LEF1: variants seen among roughly 807,000 people sequenced by gnomAD.
The protein encoded by LEF1 is lymphoid enhancer-binding factor 1.
A neutral mutation model predicts 51.2 loss-of-function variants in LEF1; 14 were observed. That is an observed-to-expected ratio of 0.27 (90% CI 0.18 to 0.43). The LOEUF is 0.43. Ranked by LOEUF, LEF1 falls within the 20% of genes least tolerant of loss-of-function variation. LEF1 has a pLI of 1.00. For synonymous variants in LEF1, 185 were observed against 183.2 expected (o/e 1.01, Z -0.08); for missense variants, 386 against 512.0 (o/e 0.75, Z 2.37).
At chr4:108,108,683 G>A (rs993361938) in intron 3 of LEF1, among the ~76,000 whole-genome samples, 3 of 152,098 alleles carry the variant, frequency 2.0e-5, no homozygotes, top group Admixed American at 2.0e-4. Flanking sequence ...GATCACTCAA[G>A]AAACCAATAC....
intron 3 of LEF1, among the ~76,000 whole-genome samples, chr4:108,123,295 A>G (rs1742289681): frequency 6.6e-6 from 1 of 151,988 alleles, no homozygotes. Flanking sequence ...TCAGGACAGC[A>G]TTTTTCTTCT....
At chr4:108,090,375 T>C (rs1338183839) in intron 3 of LEF1, among the ~76,000 whole-genome samples, 1 of 152,186 alleles carries the variant, frequency 6.6e-6, no homozygotes, top group Non-Finnish European at 1.5e-5. Flanking sequence ...ATTATTTAAT[T>C]TGGAAGTCAA....
chr4:108,076,058 G>A (rs533432941), intron 8 of LEF1, among the ~76,000 whole-genome samples: 104 of 152,134 alleles, frequency 6.8e-4, no homozygotes, highest in African/African-American at 2.0e-3. Context: ...TTTCAGAGGC[G>A]GCACACACAT....
chr4:108,118,159 C>T (rs1741950555), intron 3 of LEF1, among the ~76,000 whole-genome samples: 1 of 152,192 alleles, frequency 6.6e-6, no homozygotes, highest in African/African-American at 2.4e-5. Flanking sequence ...TCACCAAAGT[C>T]CATGATCCTT....
In LEF1 at chr4:108,168,088, T is replaced by TA. The variant is rs1745532333; in HGVS notation, c.-322dup. On this transcript the variant is annotated 5_prime_UTR_variant, in exon 1 of 12. Coordinates refer to ENST00000265165, the MANE Select transcript of LEF1 (RefSeq NM_016269.5). The surrounding 1 kb of genome is among the most constrained non-coding windows in gnomAD (Gnocchi z 4.6). ...CCGGGGGCGTCTGCGCGGCGCGCGC[T>TA]AGACGAGGCTGCCCCGGCGGCCACC... The TA allele has an allele frequency of 1.3e-5, 2 of 154,012 alleles. No individual in the cohort carries two copies. The highest frequency in any genetic ancestry group is 2.9e-5 in the Non-Finnish European group (2 of 69,360). The allele number at this position is 154,012 out of a possible 1,614,324, so 9.5% of individuals were successfully genotyped here. A position where few individuals can be genotyped will look rare whatever the true frequency, so the allele number is the denominator to read the frequency against.
At chr4:108,084,845 T>C (rs1739540588) in intron 4 of LEF1, among the ~76,000 whole-genome samples, 1 of 152,084 alleles carries the variant, frequency 6.6e-6, no homozygotes, top group Non-Finnish European at 1.5e-5. Flanking sequence ...TCTTAACATA[T>C]CAGAATCATT....
intron 3 of LEF1, among the ~76,000 whole-genome samples, chr4:108,140,096 T>C (rs1743546368): frequency 6.6e-6 from 1 of 152,192 alleles, no homozygotes; most frequent in Non-Finnish European, 1.5e-5. Context: ...TCAATTTATA[T>C]TCAAAATATC....
intron 1 of LEF1, chr4:108,166,866 T>G (rs1560837955): frequency 2.1e-6 from 2 of 965,472 alleles, no homozygotes; most frequent in Non-Finnish European, 2.5e-6. Context: ...AGCCAGGGTG[T>G]ACCCTTGCGG....
At chr4:108,146,370 G>A (rs987154911) in intron 3 of LEF1, among the ~76,000 whole-genome samples, 11 of 152,188 alleles carry the variant, frequency 7.2e-5, no homozygotes, top group East Asian at 1.9e-4. Context: ...AATTATTCAC[G>A]TTAGATGTCC....
intron 3 of LEF1, among the ~76,000 whole-genome samples, chr4:108,130,502 T>C (rs1742803354): frequency 6.6e-6 from 1 of 151,638 alleles, no homozygotes; most frequent in Non-Finnish European, 1.5e-5. Flanking sequence ...GGCAAATCAC[T>C]TGAGGTCAGG....
intron 11 of LEF1, among the ~76,000 whole-genome samples, chr4:108,061,610 A>C (rs1401930607): frequency 6.6e-6 from 1 of 150,560 alleles, no homozygotes; most frequent in Non-Finnish European, 1.5e-5. Flanking sequence ...GGCCATTCCT[A>C]AGTGTTCAGT....
intron 11 of LEF1, among the ~76,000 whole-genome samples, chr4:108,060,174 G>A (rs1191455014): frequency 6.6e-6 from 1 of 152,136 alleles, no homozygotes; most frequent in Non-Finnish European, 1.5e-5. Context: ...GGACACAGGG[G>A]ATGATCTGTA....
At chr4:108,165,520 T>C (rs1223535389) in intron 1 of LEF1, among the ~76,000 whole-genome samples, 3 of 152,250 alleles carry the variant, frequency 2.0e-5, no homozygotes, top group African/African-American at 7.2e-5. Context: ...ATGGGGTTGA[T>C]GGTTTCGATA....
intron 3 of LEF1, among the ~76,000 whole-genome samples, chr4:108,155,033 C>T (rs1292808527): frequency 3.3e-5 from 5 of 151,794 alleles, no homozygotes. Flanking sequence ...GAAGGAAATT[C>T]GAAGGGCAAA....
intron 11 of LEF1, among the ~76,000 whole-genome samples, chr4:108,054,165 T>G (rs888693830): frequency 6.6e-6 from 1 of 152,156 alleles, no homozygotes; most frequent in Non-Finnish European, 1.5e-5. Context: ...CCTGGGTCCA[T>G]CGGTTACCAC....
chr4:108,092,480 C>T (rs1474351890), intron 3 of LEF1, among the ~76,000 whole-genome samples: 2 of 152,182 alleles, frequency 1.3e-5, no homozygotes, highest in Non-Finnish European at 2.9e-5. Flanking sequence ...CAAGATTCCT[C>T]AGCCCAAAAA....
rs1156312328 is a variant in LEF1 at position 108,167,845 on chromosome 4, G to A, written c.-78C>T. The A allele has an allele frequency of 3.1e-6, 4 of 1,300,956 alleles. No individual in the cohort carries two copies. The highest frequency in any genetic ancestry group is 4.3e-6 in the Non-Finnish European group (4 of 925,184). The allele number at this position is 1,300,956 out of a possible 1,614,324, so 80.6% of individuals were successfully genotyped here. ...GGAAAGACAGAGGGGTAACTCAAGG[G>A]TGGGGGAGGAAAGGAGAGTTGGAAG... is the stretch of plus-strand genomic sequence containing the variant. On this transcript the variant is annotated 5_prime_UTR_variant, in exon 1 of 12. Transcript: ENST00000265165. This position sits in a 1 kb window ranked among gnomAD's most constrained non-coding sequence, Gnocchi z 5.7.
chr4:108,108,885 G>A (rs898951014), intron 3 of LEF1, among the ~76,000 whole-genome samples: 1 of 152,110 alleles, frequency 6.6e-6, no homozygotes, highest in Non-Finnish European at 1.5e-5. Flanking sequence ...ACTGAAGATC[G>A]TACAAATAGA....
intron 3 of LEF1, among the ~76,000 whole-genome samples, chr4:108,095,302 C>A (rs910308024): frequency 2.0e-5 from 3 of 152,186 alleles, no homozygotes; most frequent in African/African-American, 7.2e-5. Flanking sequence ...AAGTACCAGT[C>A]ATTACAGTAG....
Sources: allele counts gnomAD v4.1 joint callset (sites outside exome capture counted in the v4.1 genomes callset), GRCh38; gene constraint gnomAD v4.1.1; non-coding constraint Gnocchi (gnomAD v3.1); transcripts MANE v1.5; gene names NCBI Gene and HGNC (gene_info 2026-07-23, HGNC 2026-07-21).